The following LRRTM3 variants were observed in gnomAD, a reference collection of about 807,000 sequenced individuals.
LRRTM3 encodes leucine-rich repeat transmembrane neuronal protein 3.
Under a neutral mutation model 44.7 loss-of-function variants are expected in LRRTM3, and 24 were observed. The observed-to-expected ratio is 0.54, with a 90% CI of 0.39 to 0.76. The LOEUF is 0.76. Among genes scored for constraint, LRRTM3 ranks in the 30% least tolerant of loss-of-function variants. The pLI is 0.00. For synonymous variants in LRRTM3, 277 were observed against 278.7 expected, an observed-to-expected ratio of 0.99 and a Z score of 0.06; for missense variants, 587 against 702.2, an observed-to-expected ratio of 0.84 and a Z score of 1.85.
At chr10:66,978,092 A>G (rs1850165623) in intron 2 of LRRTM3, among the ~76,000 whole-genome samples, 1 of 147,178 alleles carries the variant, frequency 6.8e-6, no homozygotes, top group Non-Finnish European at 1.5e-5. Context: ...ACACACACAC[A>G]TGCGATGACG....
chr10:67,078,337 C>T (rs945471890), intron 2 of LRRTM3, among the ~76,000 whole-genome samples: 1 of 152,038 alleles, frequency 6.6e-6, no homozygotes, highest in African/African-American at 2.4e-5. Flanking sequence ...AGCCCTAAAG[C>T]ACAATTGCTC....
Position 66,927,904 on chromosome 10 carries a change from T to G in LRRTM3, c.988T>G (p.Phe330Val). The G allele has an allele frequency of 6.2e-7, 1 of 1,614,204 alleles. No homozygotes were observed. Among genetic ancestry groups the G allele is most frequent in the Middle Eastern group, 1.7e-4 (1 of 6,060 alleles). Reference protein sequence around the residue: ...ICSLVNWLKSFKGLRENTIIC... With the variant: ...ICSLVNWLKSVKGLRENTIIC... Reference sequence around the variant, plus strand: ...CTCCCTTGTAAACTGGCTGAAAAGTTTTAAAGGTCTAAGGGAGAATACAAT... The same window carrying G: ...CTCCCTTGTAAACTGGCTGAAAAGTGTTAAAGGTCTAAGGGAGAATACAAT... The change falls in exon 2 of 3, where the codon TTT (phenylalanine) becomes GTT (valine). Residue 330 changes from phenylalanine (F) to valine (V), a missense_variant. Phe to Val is a conservative substitution (Grantham distance 50). Transcript: ENST00000361320. This position sits in a 1 kb window ranked among gnomAD's most constrained non-coding sequence, Gnocchi z 4.7.
intron 2 of LRRTM3, among the ~76,000 whole-genome samples, chr10:67,040,471 G>T (rs1854324985): frequency 1.3e-5 from 2 of 152,038 alleles, no homozygotes; most frequent in African/African-American, 4.8e-5. Flanking sequence ...ATTTGAGAGT[G>T]CCATGAAAAT....
rs1295709638 is a variant in LRRTM3 at position 66,957,901 on chromosome 10, T to TA, written c.1536+29450dup. ...TCTCTCTCCTTCTGCCACCTGGACT[T>TA]ACGCATATGAACCCTACATATGGCC... On this transcript the variant is annotated intron_variant, in intron 2 of 2. Coordinates refer to ENST00000361320, the MANE Select transcript of LRRTM3 (RefSeq NM_178011.5). Among the ~76,000 whole-genome samples, 5 of 152,100 alleles carry TA rather than the reference T, an allele frequency of 3.3e-5. No homozygotes were observed. The East Asian group carries it at 7.8e-4, about 24-fold the overall frequency.
chr10:66,963,918 C>T (rs1475064739), intron 2 of LRRTM3, among the ~76,000 whole-genome samples: 1 of 151,428 alleles, frequency 6.6e-6, no homozygotes, highest in Admixed American at 6.6e-5. Context: ...TCTCGGTTCA[C>T]TGAAACCTCC....
At chr10:67,020,215 T>C (rs1852917910) in intron 2 of LRRTM3, among the ~76,000 whole-genome samples, 1 of 152,190 alleles carries the variant, frequency 6.6e-6, no homozygotes, top group Non-Finnish European at 1.5e-5. Context: ...AGCCAATCTT[T>C]AAAATATCAT....
intron 2 of LRRTM3, among the ~76,000 whole-genome samples, chr10:66,931,920 G>GC (rs1457420022): frequency 6.6e-6 from 1 of 152,142 alleles, no homozygotes; most frequent in East Asian, 1.9e-4. Flanking sequence ...TTTTTCATCA[G>GC]CAAGATACAT....
intron 2 of LRRTM3, among the ~76,000 whole-genome samples, chr10:67,025,122 A>G (rs1853275013): frequency 8.3e-6 from 1 of 121,066 alleles, no homozygotes; most frequent in Admixed American, 8.9e-5. Flanking sequence ...CAAGAGCAAA[A>G]CTCTGTCAAA....
chr10:66,975,392 T>C (rs1849972745), intron 2 of LRRTM3, among the ~76,000 whole-genome samples: 1 of 152,258 alleles, frequency 6.6e-6, no homozygotes, highest in South Asian at 2.1e-4. Context: ...GACTTAGTTA[T>C]GATTTGATTA....
chr10:66,970,525 A>G (rs953460167), intron 2 of LRRTM3, among the ~76,000 whole-genome samples: 1 of 150,570 alleles, frequency 6.6e-6, no homozygotes, highest in African/African-American at 2.4e-5. Flanking sequence ...CAATTCTTCT[A>G]TTAGGGAAAT....
At chr10:67,089,024 T>C (rs1436218432) in intron 2 of LRRTM3, among the ~76,000 whole-genome samples, 1 of 152,074 alleles carries the variant, frequency 6.6e-6, no homozygotes. Flanking sequence ...ATGAGTAATC[T>C]ACAGGTGATT....
intron 2 of LRRTM3, among the ~76,000 whole-genome samples, chr10:67,095,386 G>A (rs1015256285): frequency 2.0e-5 from 3 of 151,672 alleles, no homozygotes; most frequent in Non-Finnish European, 4.4e-5. Flanking sequence ...ATGGCATAAA[G>A]TATTTCAAAA....
intron 2 of LRRTM3, among the ~76,000 whole-genome samples, chr10:67,041,234 T>C (rs768784463): frequency 9.2e-5 from 14 of 152,060 alleles, no homozygotes; most frequent in Non-Finnish European, 1.6e-4. Context: ...TGAGATGTGA[T>C]GAGCTAGTGT....
At chr10:67,062,247 T>C (rs1855800525) in intron 2 of LRRTM3, among the ~76,000 whole-genome samples, 1 of 152,176 alleles carries the variant, frequency 6.6e-6, no homozygotes, top group African/African-American at 2.4e-5. Context: ...TTACTCAGTG[T>C]GATCAAAAGC....
chr10:66,982,594 G>T (rs1850503141), intron 2 of LRRTM3, among the ~76,000 whole-genome samples: 1 of 151,986 alleles, frequency 6.6e-6, no homozygotes, highest in Non-Finnish European at 1.5e-5. Context: ...AAAACAGTAG[G>T]TACTGAAATT....
At chr10:66,941,013 A>C (rs1847967779) in intron 2 of LRRTM3, among the ~76,000 whole-genome samples, 1 of 152,210 alleles carries the variant, frequency 6.6e-6, no homozygotes, top group Non-Finnish European at 1.5e-5. Flanking sequence ...CTCCACCTGT[A>C]ATTTAATAAA....
chr10:66,959,542 G>C (rs990878604), intron 2 of LRRTM3, among the ~76,000 whole-genome samples: 3 of 152,086 alleles, frequency 2.0e-5, no homozygotes, highest in Admixed American at 6.6e-5. Flanking sequence ...TTATTTCCAT[G>C]AGCTTGGGAA....
At chr10:66,964,139 C>T (rs910788097) in intron 2 of LRRTM3, among the ~76,000 whole-genome samples, 8 of 151,998 alleles carry the variant, frequency 5.3e-5, no homozygotes, top group Non-Finnish European at 8.8e-5. Flanking sequence ...TGTGAGCCAC[C>T]GCACCCAGCC....
chr10:66,969,742 T>C (rs1256873414), intron 2 of LRRTM3, among the ~76,000 whole-genome samples: 1 of 152,140 alleles, frequency 6.6e-6, no homozygotes, highest in East Asian at 1.9e-4. Context: ...GAATTTTTTG[T>C]TTGTTTATTA....
Sources: gnomAD v4.1 joint callset for allele counts (sites outside exome capture counted in the v4.1 genomes callset) on GRCh38, gnomAD v4.1.1 for gene constraint, Gnocchi (gnomAD v3.1) non-coding constraint, MANE v1.5 for transcripts, NCBI Gene and HGNC (gene_info 2026-07-23, HGNC 2026-07-21) for gene names.